Variants in CBX7 observed in about 807,000 individuals in gnomAD.
The protein encoded by CBX7 is chromobox 7, also known as chromobox protein homolog 7.
In CBX7, 14 loss-of-function variants were observed where a neutral mutation model predicts 31.4. The ratio of observed to expected loss-of-function variants is 0.45; its 90% CI spans 0.29 to 0.70. The LOEUF is 0.70. CBX7 is among the 30% of genes least tolerant of loss of function. The probability of loss-of-function intolerance (pLI) is 0.11; values close to 1 mark genes in which losing one functional copy is unlikely to be tolerated. For missense variants in CBX7, 269 were observed against 351.9 expected (o/e 0.76, Z 1.89); for synonymous variants, 159 against 152.6 (o/e 1.04, Z -0.31).
chr22:39,138,263 T>C (rs2035762709), intron 4 of CBX7, among the ~76,000 whole-genome samples: 1 of 152,152 alleles, frequency 6.6e-6, no homozygotes, highest in African/African-American at 2.4e-5. Context: ...CTCAAGTTTA[T>C]GTTTCTGAGA....
chr22:39,136,104 A>T (rs1930245399), intron 4 of CBX7: 1 of 151,898 alleles, frequency 6.6e-6, no homozygotes, highest in African/African-American at 2.4e-5. Flanking sequence ...AAAAAAAAAA[A>T]AAAAAAAAGA....
Position 39,138,717 on chromosome 22 carries a change from AG to A in CBX7, c.180-16del. Reference sequence around the variant, plus strand: ...CTCTCTCCTCCCTGGGGTGTGAAGCAGGTGGCAGAAGAAAAGGAAACACTGG... The same window carrying A: ...CTCTCTCCTCCCTGGGGTGTGAAGCAGTGGCAGAAGAAAAGGAAACACTGG... On this transcript the variant is annotated splice_polypyrimidine_tract_variant and intron_variant, in intron 3 of 5. Transcript: ENST00000216133. The A allele has an allele frequency of 6.2e-7, 1 of 1,613,536 alleles. No homozygotes were observed. Among genetic ancestry groups the A allele is most frequent in the Non-Finnish European group, 8.5e-7 (1 of 1,179,448 alleles).
chr22:39,133,704 T>C lies in CBX7; in HGVS notation c.*187A>G. On this transcript the variant is annotated 3_prime_UTR_variant, in exon 6 of 6. Transcript: ENST00000216133. The stretch of plus-strand genomic sequence containing the variant: ...AGAGCAACTCTCTCCATCCCCAGCC[T>C]GAGGCCTCGTGGTAAACGTCCCTCA... 3 of 553,212 alleles carry C rather than the reference T, an allele frequency of 5.4e-6. No homozygotes were observed. The highest frequency in any genetic ancestry group is 9.1e-6 in the Non-Finnish European group (3 of 330,346). The allele number at this position is 553,212 out of a possible 1,614,324, so 34.3% of individuals were successfully genotyped here.
intron 4 of CBX7, among the ~76,000 whole-genome samples, chr22:39,137,412 G>C (rs1321134302): frequency 6.6e-6 from 1 of 152,058 alleles, no homozygotes; most frequent in Non-Finnish European, 1.5e-5. Context: ...GCAATGGTAT[G>C]ATCTTGGCTC....
At chr22:39,143,690 T>C (rs1361311177) in intron 2 of CBX7, among the ~76,000 whole-genome samples, 3 of 152,256 alleles carry the variant, frequency 2.0e-5, no homozygotes, top group African/African-American at 7.2e-5. Flanking sequence ...GGAAGTGCTC[T>C]AGAAGGTGTC....
intron 2 of CBX7, among the ~76,000 whole-genome samples, chr22:39,145,838 A>G (rs2146367579): frequency 6.6e-6 from 1 of 151,528 alleles, no homozygotes; most frequent in East Asian, 2.0e-4. Context: ...GCCCAGCCAA[A>G]GCCCCGCCGC....
In CBX7 at chr22:39,133,444, C is replaced by G. The variant is rs1930118697; in HGVS notation, c.*447G>C. ...TTTTGGTCAAAACCAGCCTCCACAG[C>G]CCACCGCAAAGCCAGAGAGGAGAGT... On this transcript the variant is annotated 3_prime_UTR_variant, in exon 6 of 6. Coordinates refer to ENST00000216133, the MANE Select transcript of CBX7 (RefSeq NM_175709.5). The G allele has an allele frequency of 2.0e-5, 3 of 152,896 alleles. No individual in the cohort carries two copies. Among genetic ancestry groups the G allele is most frequent in the African/African-American group, 7.2e-5 (3 of 41,416 alleles). The allele number at this position is 152,896 out of a possible 1,614,324, so 9.5% of individuals were successfully genotyped here.
At position 39,133,602 on chromosome 22, in the gene CBX7, G is replaced by C. The variant is rs1029330548; in HGVS notation, c.*289C>G. 2 of 281,754 alleles carry C rather than the reference G, an allele frequency of 7.1e-6. No individual in the cohort carries two copies. Among genetic ancestry groups the C allele is most frequent in the Admixed American group, 1.0e-4 (2 of 19,308 alleles). 17.5% of individuals were successfully genotyped at this position (281,754 alleles called of 1,614,324 possible). On this transcript the variant is annotated 3_prime_UTR_variant, in exon 6 of 6. Coordinates refer to ENST00000216133, the MANE Select transcript of CBX7 (RefSeq NM_175709.5). The stretch of plus-strand genomic sequence containing the variant: ...CCCAGAACCAGCTGCTGCGTCACTA[G>C]AGGAGAATGATAATGGTGGTGTCCC...
intron 1 of CBX7, among the ~76,000 whole-genome samples, chr22:39,151,315 C>T (rs1930843455): frequency 6.6e-6 from 1 of 151,832 alleles, no homozygotes; most frequent in Non-Finnish European, 1.5e-5. Flanking sequence ...AAAAGATGCT[C>T]CTGACCACCT....
intron 3 of CBX7, among the ~76,000 whole-genome samples, chr22:39,139,144 G>C (rs1930358809): frequency 6.6e-6 from 1 of 152,206 alleles, no homozygotes. Flanking sequence ...GTAAAGCTCT[G>C]CACAGACTCC....
At chr22:39,145,421 C>A (rs779201227) in intron 2 of CBX7, among the ~76,000 whole-genome samples, 4 of 152,308 alleles carry the variant, frequency 2.6e-5, no homozygotes, top group Middle Eastern at 3.4e-3. Context: ...CCACGACCAT[C>A]GGAGACCCTC....
At chr22:39,138,985 C>T (rs773306827) in intron 3 of CBX7, among the ~76,000 whole-genome samples, 2 of 152,210 alleles carry the variant, frequency 1.3e-5, no homozygotes, top group Non-Finnish European at 2.9e-5. Context: ...GCTCCAGGGC[C>T]ATGTGCGGGC....
chr22:39,134,857 C>A, intron 4 of CBX7, 105 bp from the exon 5 acceptor site: 1 of 715,542 alleles, frequency 1.4e-6, no homozygotes, highest in Non-Finnish European at 2.2e-6. Flanking sequence ...CATGCCATGT[C>A]TACCCACTCA....
At chr22:39,141,532 T>A (rs929911751) in intron 2 of CBX7, 96 bp from the exon 3 acceptor site, 103 of 987,114 alleles carry the variant, frequency 1.0e-4, no homozygotes, top group Middle Eastern at 2.2e-4. Flanking sequence ...GCAAATCACC[T>A]GAGGTCAGGA....
chr22:39,136,283 A>C (rs1463862440), intron 4 of CBX7: 1 of 152,094 alleles, frequency 6.6e-6, no homozygotes, highest in East Asian at 1.9e-4. Context: ...CAATGAAGAG[A>C]CTGTAGGAGC....
rs565507768 is a variant in CBX7, at chr22:39,134,922, T to C, written c.247-170A>G. The C allele has an allele frequency of 1.0e-4, 59 of 585,130 alleles. No individual in the cohort carries two copies. The South Asian group carries it at 1.3e-3, about 12-fold the overall frequency. 36.2% of individuals were successfully genotyped at this position (585,130 alleles called of 1,614,324 possible). On this transcript the variant is annotated intron_variant, in intron 4 of 5. Transcript: ENST00000216133. The stretch of plus-strand genomic sequence containing the variant: ...CCCCACCCCACCCCAGCCCAGAGAG[T>C]GCGCCCCGGGCAACCCCAGGGTCGG...
At chr22:39,134,946 G>A (rs921015890) in intron 4 of CBX7, 194 bp from the exon 5 acceptor site, 5 of 564,312 alleles carry the variant, frequency 8.9e-6, no homozygotes, top group African/African-American at 7.6e-5. Context: ...CCCCAGGGTC[G>A]GCCAGCTCAG....
rs745991164 is a variant in CBX7, at chr22:39,134,415, G to C, written c.584C>G (p.Pro195Arg). Residue 195 changes from proline (P) to arginine (R), a missense_variant, in exon 5 of 6, where the codon CCC becomes CGC. Pro to Arg is a moderately radical substitution (Grantham distance 103, BLOSUM62 -2). Transcript: ENST00000216133. ...AAGEWEPAAQPPEEEADADLA... is the reference protein window; with the variant it reads ...AAGEWEPAAQRPEEEADADLA... ...GGCCGCCTTACCCTCCTCTTCAGGG[G>C]GCTGCGCAGCAGGCTCCCACTCGCC... is the stretch of plus-strand genomic sequence containing the variant. The C allele has an allele frequency of 1.2e-6, 2 of 1,600,090 alleles. No individual in the cohort carries two copies. The highest frequency in any genetic ancestry group is 2.2e-5 in the South Asian group (2 of 90,772).
chr22:39,143,391 T>C (rs1469780929), intron 2 of CBX7, among the ~76,000 whole-genome samples: 1 of 152,212 alleles, frequency 6.6e-6, no homozygotes, highest in Non-Finnish European at 1.5e-5. Context: ...TACATGTTTA[T>C]GTTTTAAGCT....
Sources: gnomAD v4.1 joint callset for allele counts (sites outside exome capture counted in the v4.1 genomes callset) on GRCh38, gnomAD v4.1.1 for gene constraint, MANE v1.5 for transcripts, NCBI Gene and HGNC (gene_info 2026-07-23, HGNC 2026-07-21) for gene names.